Variants in SPDYC observed in about 807,000 individuals in gnomAD.
The protein encoded by SPDYC is speedy protein C.
SPDYC carries 25 observed loss-of-function variants against 33.9 expected under a neutral mutation model. The observed-to-expected ratio is 0.74, with a 90% CI of 0.54 to 1.03. The LOEUF (loss-of-function observed/expected upper bound fraction) is 1.03, where lower values mean the gene tolerates loss of function less well. SPDYC is among the 50% of genes least tolerant of loss of function. The pLI, the probability that SPDYC is intolerant of heterozygous loss-of-function variation, is 0.00. For missense variants in SPDYC, 349 were observed against 382.9 expected (o/e 0.91, Z 0.74); for synonymous variants, 133 against 140.2 (o/e 0.95, Z 0.36).
intron 4 of SPDYC, 25 bp from the exon 5 acceptor site, chr11:65,172,409 C>T (rs1295294150): frequency 6.2e-7 from 1 of 1,610,906 alleles, no homozygotes; most frequent in East Asian, 2.2e-5. Context: ...GCCTCTGCTC[C>T]CTGACCTTGT....
chr11:65,170,274 G>A lies in SPDYC; in HGVS notation c.26+13G>A. 6.3e-7 allele frequency: 1 copy of A among 1,577,662 alleles called. No homozygotes were observed. Among genetic ancestry groups the A allele is most frequent in the Non-Finnish European group, 8.6e-7 (1 of 1,160,476 alleles). On this transcript the variant is annotated intron_variant, in intron 1 of 6. Coordinates refer to ENST00000377185, the Ensembl canonical transcript of SPDYC. The stretch of plus-strand genomic sequence containing the variant: ...TTCCTGAGCTCGGGTAAGGCTCGCT[G>A]CAGGAGGAGGCTGGGTTGCTTGCGG...
At chr11:65,172,524 G>A (rs1484017040) in exon 5 of SPDYC, 1 of 1,577,976 alleles carries the variant, frequency 6.3e-7, no homozygotes, top group South Asian at 1.2e-5. Context: ...GTTTACGAGT[G>A]GGGAAATTCC....
rs1565375016 is a variant in SPDYC, at chr11:65,172,822, TGTG to T, written c.658_660del (p.Gly220del). The T allele has an allele frequency of 6.8e-6, 11 of 1,614,024 alleles. No homozygotes were observed. In the Admixed American group the frequency reaches 1.7e-4, roughly 24 times the overall value. On this transcript the variant is annotated inframe_deletion, in exon 6 of 7. Transcript: ENST00000377185. The stretch of plus-strand genomic sequence containing the variant: ...CCTCTCGCCGCCCCACTGTTCCCCC[TGTG>T]GTTTGCCCCAGCACTGCAGCAGCCA...
chr11:65,170,332 G>A, intron 1 of SPDYC, 71 bp downstream of exon 1: 1 of 1,463,610 alleles, frequency 6.8e-7, no homozygotes. Flanking sequence ...ATTGGCCCTG[G>A]GGTGGTCGAC....
At chr11:65,171,826 G>A (rs1041998435) in intron 2 of SPDYC, 117 bp from the exon 3 acceptor site, 1 of 890,578 alleles carries the variant, frequency 1.1e-6, no homozygotes, top group South Asian at 1.5e-5. Context: ...GAAAAAGGGA[G>A]AAAAAGAGAA....
In SPDYC at chr11:65,171,906, G is replaced by A. The variant is rs746073126; in HGVS notation, c.200-37G>A. ...TGCCACTCTTCTCCATGGAGGTGGT[G>A]GTAACCTGCGTCCTGTCATGTCTTC... On this transcript the variant is annotated intron_variant, in intron 2 of 6. Transcript: ENST00000377185. 4 of 1,601,336 alleles carry A rather than the reference G, an allele frequency of 2.5e-6. No homozygotes were observed. In the South Asian group the frequency reaches 4.4e-5, roughly 18 times the overall value.
chr11:65,172,770 C>T (rs766067550), exon 6 of SPDYC: 4 of 1,613,866 alleles, frequency 2.5e-6, no homozygotes, highest in Non-Finnish European at 2.5e-6. Flanking sequence ...GTCCACAGGT[C>T]CCTGTTCGCC....
At chr11:65,173,305 G>A, downstream of SPDYC, 1 of 1,488,828 alleles carries the variant, frequency 6.7e-7, no homozygotes, top group South Asian at 1.2e-5. Flanking sequence ...CTTCCTCCCA[G>A]CCTGCAGCTT....
In SPDYC at chr11:65,172,345, G is replaced by C; in HGVS notation, c.344+14G>C. ...GTTCTTGGCCCTGTGAGTGGTGGGG[G>C]CAGGCAGTGGAGGCATTTGCTGGAG... On this transcript the variant is annotated intron_variant, in intron 4 of 6. Coordinates refer to ENST00000377185, the Ensembl canonical transcript of SPDYC. 2 of 1,614,150 alleles carry C rather than the reference G, an allele frequency of 1.2e-6. No homozygotes were observed. The highest frequency in any genetic ancestry group is 2.2e-5 in the South Asian group (2 of 91,078).
At chr11:65,172,467 G>T in exon 5 of SPDYC, 1 of 1,589,770 alleles carries the variant, frequency 6.3e-7, no homozygotes, top group Non-Finnish European at 8.6e-7. Flanking sequence ...AGGACCTGGA[G>T]GGCCCCAAAT....
chr11:65,171,133 G>A (rs1408326520), intron 1 of SPDYC, among the ~76,000 whole-genome samples, 194 bp from the exon 2 acceptor site: 1 of 151,906 alleles, frequency 6.6e-6, no homozygotes, highest in East Asian at 1.9e-4. Context: ...GGGTGAGGGT[G>A]CCACACCCTC....
rs146895192 is a variant in SPDYC, at chr11:65,172,630, T to A, written c.516+25T>A. 1.2e-3 allele frequency: 1,915 copies of A among 1,555,660 alleles called. 28 individuals carry two copies. In the African/African-American group the frequency reaches 0.024, roughly 19 times the overall value. ...GGTGAGGCTGGGAGGCAACCTGGGGTGTGGGGAAGGCTGGGGTTCCCACCC... is the reference window on the plus strand; with the variant it reads ...GGTGAGGCTGGGAGGCAACCTGGGGAGTGGGGAAGGCTGGGGTTCCCACCC... On this transcript the variant is annotated intron_variant, in intron 5 of 6. Coordinates refer to ENST00000377185, the Ensembl canonical transcript of SPDYC.
chr11:65,172,635 G>A (rs1330732248), intron 5 of SPDYC, 30 bp downstream of exon 5: 21 of 1,556,466 alleles, frequency 1.3e-5, no homozygotes, highest in Non-Finnish European at 1.8e-5. Flanking sequence ...TGGGGTGTGG[G>A]GAAGGCTGGG....
Position 65,172,244 on chromosome 11 carries a change from A to G in SPDYC, c.259-2A>G, listed in dbSNP as rs371175348. On this transcript the variant is annotated splice_acceptor_variant, in intron 3 of 6. Transcript: ENST00000377185. LOFTEE classifies it high-confidence loss of function. ...ACCCCCCACCCCGATCTGTCTCTGCAGTATCTCCTGGCCATGGTGCTGGTC... is the reference window on the plus strand; with the variant it reads ...ACCCCCCACCCCGATCTGTCTCTGCGGTATCTCCTGGCCATGGTGCTGGTC... The G allele has an allele frequency of 6.2e-7, 1 of 1,613,982 alleles. No individual in the cohort carries two copies. Among genetic ancestry groups the G allele is most frequent in the Non-Finnish European group, 8.5e-7 (1 of 1,180,016 alleles).
chr11:65,171,434 G>A lies in SPDYC; in HGVS notation c.134G>A (p.Gly45Asp), dbSNP rs2137288381. The A allele has an allele frequency of 2.5e-6, 4 of 1,603,208 alleles. No individual in the cohort carries two copies. The East Asian group carries it at 9.0e-5, about 36-fold the overall frequency. ...GAGCTGGGGGGCTGCAGCCGGCAAG[G>A]TGGGGGCAATGGGTTCCTCCGTTTT... Residue 45 changes from glycine (G) to aspartate (D), a missense_variant, in exon 2 of 7, where the codon GGT becomes GAT. Transcript: ENST00000377185.
chr11:65,170,249 T>C (rs1948416763), exon 1 of SPDYC: 1 of 1,579,080 alleles, frequency 6.3e-7, no homozygotes, highest in Non-Finnish European at 8.6e-7. Flanking sequence ...CTCTGGGCCA[T>C]TCCTGAGCTC....
At chr11:65,171,831 A>C in intron 2 of SPDYC, 112 bp from the exon 3 acceptor site, 2 of 910,782 alleles carry the variant, frequency 2.2e-6, no homozygotes, top group Non-Finnish European at 3.5e-6. Context: ...AGGGAGAAAA[A>C]GAGAAAGAGA....
Position 65,172,336 on chromosome 11 carries a change from G to A in SPDYC, c.344+5G>A. The A allele has an allele frequency of 2.5e-6, 4 of 1,614,154 alleles. No homozygotes were observed. Among genetic ancestry groups the A allele is most frequent in the Non-Finnish European group, 3.4e-6 (4 of 1,180,026 alleles). On this transcript the variant is annotated splice_donor_5th_base_variant and intron_variant, in intron 4 of 6. Transcript: ENST00000377185. The stretch of plus-strand genomic sequence containing the variant: ...CAGCAGCCTGTTCTTGGCCCTGTGA[G>A]TGGTGGGGGCAGGCAGTGGAGGCAT...
intron 1 of SPDYC, 41 bp downstream of exon 1, chr11:65,170,302 G>A (rs1261444261): frequency 5.2e-6 from 8 of 1,551,906 alleles, no homozygotes; most frequent in Non-Finnish European, 7.0e-6. Flanking sequence ...GCTTGCGGGC[G>A]CCTAGATGGA....
Sources: gnomAD v4.1 joint callset for allele counts (sites outside exome capture counted in the v4.1 genomes callset) on GRCh38, gnomAD v4.1.1 for gene constraint, MANE v1.5 for transcripts, NCBI Gene and HGNC (gene_info 2026-07-23, HGNC 2026-07-21) for gene names.